The following THSD7B variants were observed in gnomAD, a reference collection of about 807,000 sequenced individuals.
THSD7B encodes thrombospondin type-1 domain-containing protein 7B.
Under a neutral mutation model 213.6 loss-of-function variants are expected in THSD7B, and 138 were observed. The ratio of observed to expected loss-of-function variants is 0.65; its 90% CI spans 0.56 to 0.74. THSD7B has a LOEUF of 0.74. THSD7B is among the 30% of genes least tolerant of loss of function. The pLI is 0.00. For missense variants in THSD7B, 1,931 were observed against 1,991.5 expected (o/e 0.97, Z 0.58); for synonymous variants, 742 against 687.0 (o/e 1.08, Z -1.25).
intron 4 of THSD7B, 87 bp from the exon 5 acceptor site, chr2:137,115,037 C>T: frequency 6.9e-7 from 1 of 1,455,140 alleles, no homozygotes; most frequent in Non-Finnish European, 9.5e-7. Flanking sequence ...AGAGATTATG[C>T]CTCTTGATGT....
intron 1 of THSD7B, among the ~76,000 whole-genome samples, chr2:136,819,051 G>A (rs1025863723): frequency 3.3e-5 from 5 of 152,016 alleles, no homozygotes; most frequent in Admixed American, 6.6e-5. Context: ...CGAACTGAGC[G>A]GCTCTGTGCT....
intron 15 of THSD7B, among the ~76,000 whole-genome samples, chr2:137,516,760 G>A (rs894411740): frequency 7.2e-5 from 11 of 152,164 alleles, no homozygotes; most frequent in African/African-American, 2.7e-4. Flanking sequence ...CCTGACTAGT[G>A]GGGTGAGGGC....
chr2:137,241,607 G>C (rs1434361748), intron 9 of THSD7B, among the ~76,000 whole-genome samples: 1 of 151,936 alleles, frequency 6.6e-6, no homozygotes, highest in Non-Finnish European at 1.5e-5. Flanking sequence ...CAGTCTACGT[G>C]TTCTATAGAA....
At chr2:137,377,684 T>A (rs1685688547) in intron 12 of THSD7B, among the ~76,000 whole-genome samples, 1 of 151,886 alleles carries the variant, frequency 6.6e-6, no homozygotes, top group Non-Finnish European at 1.5e-5. Flanking sequence ...TGGAGTATAG[T>A]GGTGCGATCC....
chr2:136,826,876 A>G (rs1461636938), intron 1 of THSD7B, among the ~76,000 whole-genome samples: 1 of 152,210 alleles, frequency 6.6e-6, no homozygotes, highest in Non-Finnish European at 1.5e-5. Context: ...TAGCAATAGC[A>G]TTGAGCATAA....
chr2:137,120,622 T>C (rs879860720), intron 5 of THSD7B, among the ~76,000 whole-genome samples: 4 of 152,122 alleles, frequency 2.6e-5, no homozygotes, highest in Non-Finnish European at 5.9e-5. Context: ...TTTGCTTATA[T>C]CTTGAACCTA....
chr2:137,371,263 G>T lies in THSD7B; in HGVS notation c.2501-34350G>T, dbSNP rs376013493. On this transcript the variant is annotated intron_variant, in intron 12 of 27. Transcript: ENST00000409968. ...AGAAGTGCATCTTGCTCTTCTGCAG[G>T]TTTCTGAGAAAGGATGTGGAGGTAA... 7.2e-5 allele frequency among the ~76,000 whole-genome samples: 11 copies of T among 152,190 alleles called. No individual in the cohort carries two copies. In the East Asian group the frequency reaches 9.7e-4, roughly 13 times the overall value.
intron 6 of THSD7B, among the ~76,000 whole-genome samples, chr2:137,168,352 G>A (rs77834724): frequency 0.028 from 4,300 of 152,244 alleles, 226 homozygotes; most frequent in African/African-American, 0.096. Context: ...CTTGGCAATT[G>A]TCTATCTTTC....
At chr2:137,456,908 T>C (rs1687773973) in intron 15 of THSD7B, among the ~76,000 whole-genome samples, 2 of 152,184 alleles carry the variant, frequency 1.3e-5, no homozygotes, top group African/African-American at 4.8e-5. Flanking sequence ...ATAAAATGCC[T>C]TATATAAGCT....
chr2:137,188,919 T>C (rs1265793411), intron 7 of THSD7B, among the ~76,000 whole-genome samples: 1 of 152,140 alleles, frequency 6.6e-6, no homozygotes, highest in East Asian at 1.9e-4. Flanking sequence ...TTACATAGAG[T>C]GGTCATTTAC....
intron 7 of THSD7B, among the ~76,000 whole-genome samples, chr2:137,190,085 G>A (rs1292195569): frequency 6.6e-6 from 1 of 152,110 alleles, no homozygotes; most frequent in East Asian, 1.9e-4. Flanking sequence ...TTAATAAGGG[G>A]GAATAGCCCA....
intron 20 of THSD7B, among the ~76,000 whole-genome samples, chr2:137,640,389 T>A (rs1381282097): frequency 6.6e-6 from 1 of 152,156 alleles, no homozygotes; most frequent in Non-Finnish European, 1.5e-5. Context: ...CAGTCTTGGG[T>A]GTGTCTTTAT....
intron 4 of THSD7B, among the ~76,000 whole-genome samples, chr2:137,109,278 C>T (rs925891089): frequency 3.9e-5 from 6 of 152,158 alleles, no homozygotes; most frequent in Non-Finnish European, 5.9e-5. Context: ...AATTGTCCAA[C>T]GATTTTCCAG....
chr2:137,553,879 T>C (rs1277049098), intron 15 of THSD7B, among the ~76,000 whole-genome samples: 2 of 152,194 alleles, frequency 1.3e-5, no homozygotes, highest in African/African-American at 4.8e-5. Flanking sequence ...GAGAAGGAAT[T>C]GGGCATCTGG....
chr2:136,865,332 A>G (rs537971404), intron 1 of THSD7B, among the ~76,000 whole-genome samples: 119 of 152,348 alleles, frequency 7.8e-4, no homozygotes, highest in Non-Finnish European at 4.0e-4. Context: ...TACTTTAGCT[A>G]TAATTACCAA....
chr2:137,113,516 A>C lies in THSD7B; in HGVS notation c.1200-1608A>C, dbSNP rs553015139. Among the ~76,000 whole-genome samples the C allele has an allele frequency of 2.3e-3, 347 of 151,938 alleles. 2 individuals are homozygous for C. The highest frequency in any genetic ancestry group is 7.7e-3 in the African/African-American group (319 of 41,382). On this transcript the variant is annotated intron_variant, in intron 4 of 27. Coordinates refer to ENST00000409968, the MANE Select transcript of THSD7B (RefSeq NM_001316349.2). ...CAATGGTGCAATCTTGGCTCACCGC[A>C]CCCTCCGCCTCCTGGGTTCAAGTGA...
intron 7 of THSD7B, among the ~76,000 whole-genome samples, chr2:137,189,306 A>G (rs936019683): frequency 3.3e-5 from 5 of 152,154 alleles, no homozygotes; most frequent in African/African-American, 1.2e-4. Flanking sequence ...CTTGTCAAGA[A>G]CCTATGAGTG....
intron 2 of THSD7B, among the ~76,000 whole-genome samples, chr2:137,037,749 A>G (rs560057368): frequency 2.0e-5 from 3 of 152,060 alleles, no homozygotes; most frequent in Non-Finnish European, 2.9e-5. Flanking sequence ...TCACATTTTC[A>G]ACTGTGTGAT....
chr2:137,583,091 G>T (rs371356208), intron 17 of THSD7B, among the ~76,000 whole-genome samples: 3 of 152,240 alleles, frequency 2.0e-5, no homozygotes, highest in South Asian at 2.1e-4. Flanking sequence ...TGATGGCCAG[G>T]GATGATGAGC....
Sources: gnomAD v4.1 joint callset for allele counts (sites outside exome capture counted in the v4.1 genomes callset) on GRCh38, gnomAD v4.1.1 for gene constraint, MANE v1.5 for transcripts, NCBI Gene and HGNC (gene_info 2026-07-23, HGNC 2026-07-21) for gene names.